The following TTC28 variants were observed in gnomAD, a reference collection of about 807,000 sequenced individuals.
The protein encoded by TTC28 is tetratricopeptide repeat protein 28.
TTC28 carries 61 observed loss-of-function variants against 198.0 expected under a neutral mutation model. The ratio of observed to expected loss-of-function variants is 0.31; its 90% CI spans 0.25 to 0.38. TTC28 has a LOEUF of 0.38. TTC28 is among the 10% of genes least tolerant of loss of function. The pLI, the probability that TTC28 is intolerant of heterozygous loss-of-function variation, is 1.00. For missense variants in TTC28, 2,678 were observed against 3,164.0 expected, an observed-to-expected ratio of 0.85 and a Z score of 3.69; for synonymous variants, 1,171 against 1,297.8, an observed-to-expected ratio of 0.90 and a Z score of 2.10.
chr22:28,090,705 T>C (rs112698811), intron 12 of TTC28, among the ~76,000 whole-genome samples: 3 of 152,348 alleles, frequency 2.0e-5, no homozygotes, highest in African/African-American at 7.2e-5. Context: ...CTGAGCATTA[T>C]GGTTTTAAAA....
intron 2 of TTC28, among the ~76,000 whole-genome samples, chr22:28,629,002 AG>A (rs2051124080): frequency 6.6e-6 from 1 of 152,114 alleles, no homozygotes; most frequent in African/African-American, 2.4e-5. Flanking sequence ...AAAAGAAACT[AG>A]GGGTTAGGTT....
intron 5 of TTC28, among the ~76,000 whole-genome samples, chr22:28,256,031 T>C (rs1174729858): frequency 1.3e-5 from 2 of 151,850 alleles, no homozygotes; most frequent in Non-Finnish European, 1.5e-5. Context: ...CAGTCATAAG[T>C]GTAGGTTATG....
At chr22:28,308,599 C>T (rs1281817803) in intron 2 of TTC28, among the ~76,000 whole-genome samples, 1 of 152,114 alleles carries the variant, frequency 6.6e-6, no homozygotes, top group African/African-American at 2.4e-5. Context: ...TTACCTACTG[C>T]TAGGGAGGTA....
intron 2 of TTC28, among the ~76,000 whole-genome samples, chr22:28,388,271 G>C (rs979895244): frequency 6.6e-6 from 1 of 152,214 alleles, no homozygotes; most frequent in Non-Finnish European, 1.5e-5. Context: ...TTTGAAGTCA[G>C]GTAGTGTGAT....
In TTC28 at chr22:28,635,097, G is replaced by A. The variant is rs568819519; in HGVS notation, c.103-5267C>T. On this transcript the variant is annotated intron_variant, in intron 1 of 22. Coordinates refer to ENST00000397906, the MANE Select transcript of TTC28 (RefSeq NM_001145418.2). Reference sequence around the variant, plus strand: ...AACACTTTGGGAGGCTGAGGCGGGCGGATCACGAGGTCAGGAGATCGAGAC... The same window carrying A: ...AACACTTTGGGAGGCTGAGGCGGGCAGATCACGAGGTCAGGAGATCGAGAC... Among the ~76,000 whole-genome samples the A allele has an allele frequency of 7.9e-5, 12 of 152,182 alleles. No individual in the cohort carries two copies. In the South Asian group the frequency reaches 8.3e-4, roughly 11 times the overall value.
intron 13 of TTC28, among the ~76,000 whole-genome samples, chr22:28,019,813 T>C (rs1023434941): frequency 6.6e-6 from 1 of 152,160 alleles, no homozygotes; most frequent in African/African-American, 2.4e-5. Context: ...CTTGCTAGAA[T>C]GGGAGCTTTG....
intron 5 of TTC28, among the ~76,000 whole-genome samples, chr22:28,192,658 C>T (rs1021443831): frequency 2.6e-5 from 4 of 152,034 alleles, no homozygotes; most frequent in Non-Finnish European, 5.9e-5. Context: ...CAAGCTTCAG[C>T]AGCCGATTCA....
chr22:28,594,948 T>C (rs1381439912), intron 2 of TTC28, among the ~76,000 whole-genome samples: 1 of 152,208 alleles, frequency 6.6e-6, no homozygotes, highest in Non-Finnish European at 1.5e-5. Context: ...ACTACTCTTC[T>C]GAGAAAATAA....
intron 2 of TTC28, among the ~76,000 whole-genome samples, chr22:28,607,662 T>C (rs1391133382): frequency 2.6e-5 from 4 of 152,178 alleles, no homozygotes; most frequent in African/African-American, 9.7e-5. Context: ...AATTCTGATT[T>C]TTTTCCTCAC....
At chr22:28,618,897 T>C (rs1188794198) in intron 2 of TTC28, among the ~76,000 whole-genome samples, 1 of 152,096 alleles carries the variant, frequency 6.6e-6, no homozygotes, top group Admixed American at 6.5e-5. Context: ...TGAGCTACAC[T>C]TATAGGATCC....
chr22:28,053,185 C>T (rs1389927397), intron 12 of TTC28, among the ~76,000 whole-genome samples: 1 of 152,220 alleles, frequency 6.6e-6, no homozygotes, highest in Non-Finnish European at 1.5e-5. Flanking sequence ...GAAAACCAGT[C>T]CTTAGTGAGC....
chr22:28,527,451 AGTT>A (rs2049025874), intron 2 of TTC28, among the ~76,000 whole-genome samples: 1 of 152,104 alleles, frequency 6.6e-6, no homozygotes, highest in Non-Finnish European at 1.5e-5. Flanking sequence ...AAGCTTGCCT[AGTT>A]ACTGCAAACC....
chr22:28,524,788 C>G (rs947718560), intron 2 of TTC28, among the ~76,000 whole-genome samples: 1 of 152,048 alleles, frequency 6.6e-6, no homozygotes, highest in Admixed American at 6.6e-5. Context: ...CACAGTAAAA[C>G]AGGCACTCTC....
chr22:28,071,748 G>GAAAAAAAAAAAAAAAAAAAAAAAAAA (rs371615737), intron 12 of TTC28, among the ~76,000 whole-genome samples: 1 of 91,134 alleles, frequency 1.1e-5, no homozygotes, highest in African/African-American at 3.9e-5. Flanking sequence ...AAAAAAAAAG[G>GAAAAAAAAAAAAAAAAAAAAAAAAAA]AAAAAAAAAA....
At chr22:28,676,723 TAA>T (rs767914032) in intron 1 of TTC28, among the ~76,000 whole-genome samples, 10 of 121,396 alleles carry the variant, frequency 8.2e-5, no homozygotes, top group East Asian at 2.3e-4. Flanking sequence ...TTATTAGAAA[TAA>T]AAAAAAAAAA....
intron 2 of TTC28, among the ~76,000 whole-genome samples, chr22:28,412,026 A>C (rs1164048672): frequency 6.6e-6 from 1 of 152,266 alleles, no homozygotes; most frequent in Non-Finnish European, 1.5e-5. Flanking sequence ...AGTAATGAAC[A>C]AAGAATAGTA....
chr22:28,323,269 A>T (rs1449342932), intron 2 of TTC28, among the ~76,000 whole-genome samples: 1 of 152,182 alleles, frequency 6.6e-6, no homozygotes, highest in Admixed American at 6.5e-5. Flanking sequence ...AATTAACTAA[A>T]CAAAGCACTA....
chr22:28,141,444 G>C (rs1222667266), intron 6 of TTC28, among the ~76,000 whole-genome samples: 1 of 152,054 alleles, frequency 6.6e-6, no homozygotes, highest in African/African-American at 2.4e-5. Context: ...ACGAATAAAA[G>C]ACCCTAAAAT....
At chr22:28,299,348 A>G (rs1048326578) in intron 3 of TTC28, among the ~76,000 whole-genome samples, 1 of 152,226 alleles carries the variant, frequency 6.6e-6, no homozygotes, top group Admixed American at 6.5e-5. Flanking sequence ...TTGAATCTAA[A>G]GTCTCCACTA....
Sources: allele counts gnomAD v4.1 joint callset (sites outside exome capture counted in the v4.1 genomes callset), GRCh38; gene constraint gnomAD v4.1.1; transcripts MANE v1.5; gene names NCBI Gene and HGNC (gene_info 2026-07-23, HGNC 2026-07-21).